TMC1: variants seen among roughly 807,000 people sequenced by gnomAD.
The protein encoded by TMC1 is transmembrane channel like 1, also known as transmembrane channel-like protein 1.
A neutral mutation model predicts 105.8 loss-of-function variants in TMC1; 84 were observed. The observed-to-expected ratio is 0.79, with a 90% CI of 0.67 to 0.95. The LOEUF is 0.95. TMC1 is among the 40% of genes least tolerant of loss of function. TMC1 has a pLI of 0.00. For synonymous variants in TMC1, 315 were observed against 311.5 expected, an observed-to-expected ratio of 1.01 and a Z score of -0.12; for missense variants, 817 against 914.1, an observed-to-expected ratio of 0.89 and a Z score of 1.37.
At chr9:72,667,331 C>T (rs1564478517) in intron 5 of TMC1, among the ~76,000 whole-genome samples, 1 of 152,180 alleles carries the variant, frequency 6.6e-6, no homozygotes, top group Non-Finnish European at 1.5e-5. Flanking sequence ...CCTCTAAAAT[C>T]TGATCCTTAG....
At chr9:72,828,218 T>G (rs1013906970) in intron 21 of TMC1, among the ~76,000 whole-genome samples, 1 of 152,184 alleles carries the variant, frequency 6.6e-6, no homozygotes. Flanking sequence ...TGGGGTGCTA[T>G]TAAGAATCTG....
intron 2 of TMC1, among the ~76,000 whole-genome samples, chr9:72,611,182 T>A (rs1825018027): frequency 6.6e-6 from 1 of 152,218 alleles, no homozygotes; most frequent in African/African-American, 2.4e-5. Context: ...GCAGCTTTAA[T>A]TGTATTATTG....
intron 4 of TMC1, among the ~76,000 whole-genome samples, chr9:72,636,286 A>G (rs1825533358): frequency 6.6e-6 from 1 of 152,216 alleles, no homozygotes; most frequent in South Asian, 2.1e-4. Flanking sequence ...TAAGATTTCA[A>G]TATATGATTA....
At chr9:72,766,959 A>G (rs1827848122) in intron 12 of TMC1, among the ~76,000 whole-genome samples, 1 of 152,214 alleles carries the variant, frequency 6.6e-6, no homozygotes, top group South Asian at 2.1e-4. Context: ...TGCAGCTCAC[A>G]AGGCCCGGGC....
At chr9:72,622,117 A>G (rs1825262408) in intron 3 of TMC1, among the ~76,000 whole-genome samples, 1 of 152,126 alleles carries the variant, frequency 6.6e-6, no homozygotes, top group African/African-American at 2.4e-5. Context: ...GAGACCCTGC[A>G]ATGGAATAGA....
At chr9:72,551,054 G>T (rs1257570416) in intron 1 of TMC1, among the ~76,000 whole-genome samples, 1 of 152,132 alleles carries the variant, frequency 6.6e-6, no homozygotes, top group Non-Finnish European at 1.5e-5. Context: ...CTATATTGTT[G>T]CTGGCTTTGA....
At chr9:72,801,286 C>A (rs146202100) in intron 17 of TMC1, among the ~76,000 whole-genome samples, 2 of 152,292 alleles carry the variant, frequency 1.3e-5, no homozygotes, top group African/African-American at 4.8e-5. Context: ...GGGGAGAAAG[C>A]AACAGCTGAA....
At chr9:72,658,117 G>A (rs1188275550) in intron 5 of TMC1, among the ~76,000 whole-genome samples, 1 of 151,966 alleles carries the variant, frequency 6.6e-6, no homozygotes, top group African/African-American at 2.4e-5. Flanking sequence ...TTCAATATAT[G>A]TTGATTACTG....
intron 18 of TMC1, among the ~76,000 whole-genome samples, chr9:72,815,787 G>A (rs899488260): frequency 1.3e-5 from 2 of 152,074 alleles, no homozygotes; most frequent in East Asian, 1.9e-4. Context: ...GATTCTAGAA[G>A]TTTTCTTACA....
intron 4 of TMC1, among the ~76,000 whole-genome samples, chr9:72,643,895 G>A (rs1226510680): frequency 6.6e-6 from 1 of 152,148 alleles, no homozygotes; most frequent in African/African-American, 2.4e-5. Flanking sequence ...CCTGGCAGCA[G>A]TGTATGAGAG....
At chr9:72,598,458 T>C (rs1306721086) in intron 2 of TMC1, among the ~76,000 whole-genome samples, 1 of 152,076 alleles carries the variant, frequency 6.6e-6, no homozygotes, top group East Asian at 1.9e-4. Flanking sequence ...TTTTTCTCCC[T>C]TAGGAGAATG....
intron 5 of TMC1, chr9:72,655,741 C>CA (rs34249073): frequency 0.011 from 4,559 of 402,054 alleles, 2 homozygotes; most frequent in South Asian, 0.018. Context: ...GAATCCGTAT[C>CA]AAAAAAAAAA....
intron 23 of TMC1, 133 bp downstream of exon 23, chr9:72,830,815 T>C (rs1167220480): frequency 1.6e-5 from 13 of 790,574 alleles, no homozygotes; most frequent in Non-Finnish European, 2.7e-5. Flanking sequence ...TCCACAATCC[T>C]TACCTTCCAC....
chr9:72,684,996 G>C (rs1826352036), intron 5 of TMC1, among the ~76,000 whole-genome samples: 1 of 151,782 alleles, frequency 6.6e-6, no homozygotes, highest in Admixed American at 6.6e-5. Context: ...AAAGAATCCT[G>C]AGAAGAAACA....
chr9:72,606,992 T>TAGAG (rs1391567236), intron 2 of TMC1, among the ~76,000 whole-genome samples: 7 of 93,032 alleles, frequency 7.5e-5, no homozygotes, highest in African/African-American at 2.0e-4. Flanking sequence ...CATATATATA[T>TAGAG]ATATATATAT....
At chr9:72,656,013 A>T in intron 5 of TMC1, 1 of 761,538 alleles carries the variant, frequency 1.3e-6, no homozygotes, top group Non-Finnish European at 2.4e-6. Context: ...TGATTCTCAA[A>T]GTCTTAGTAG....
intron 15 of TMC1, among the ~76,000 whole-genome samples, chr9:72,790,781 A>C (rs1828253223): frequency 6.6e-6 from 1 of 152,208 alleles, no homozygotes; most frequent in Non-Finnish European, 1.5e-5. Context: ...AGGATAAGCC[A>C]AATTTTCTTT....
At chr9:72,699,647 G>A (rs867857785) in intron 7 of TMC1, among the ~76,000 whole-genome samples, 192 of 152,240 alleles carry the variant, frequency 1.3e-3, no homozygotes, top group African/African-American at 4.3e-3. Flanking sequence ...CAGAGAGTTT[G>A]AGGCTCTAGA....
chr9:72,620,872 C>T (rs7048472), intron 3 of TMC1, among the ~76,000 whole-genome samples: 15,706 of 152,106 alleles, frequency 0.1, 1,004 homozygotes, highest in African/African-American at 0.17. Context: ...CCTAAATGTC[C>T]CTGCAAATAT....
Sources: allele counts gnomAD v4.1 joint callset (sites outside exome capture counted in the v4.1 genomes callset), GRCh38; gene constraint gnomAD v4.1.1; transcripts MANE v1.5; gene names NCBI Gene and HGNC (gene_info 2026-07-23, HGNC 2026-07-21).